The following AMZ2 variants were observed in gnomAD, a reference collection of about 807,000 sequenced individuals.
AMZ2 encodes the protein archaemetzincin-2.
In AMZ2, 26 loss-of-function variants were observed where a neutral mutation model predicts 36.7. That is an observed-to-expected ratio of 0.71 (90% CI 0.52 to 0.98). The LOEUF (loss-of-function observed/expected upper bound fraction) is 0.98, where lower values mean the gene tolerates loss of function less well. AMZ2 is among the 50% of genes least tolerant of loss of function. The pLI, the probability that AMZ2 is intolerant of heterozygous loss-of-function variation, is 0.00. For synonymous variants in AMZ2, 144 were observed against 149.1 expected, an observed-to-expected ratio of 0.97 and a Z score of 0.25; for missense variants, 394 against 430.5, an observed-to-expected ratio of 0.92 and a Z score of 0.75.
At chr17:68,241,446 A>G (rs1555733963) in intron 1 of AMZ2, among the ~76,000 whole-genome samples, 1 of 152,200 alleles carries the variant, frequency 6.6e-6, no homozygotes, top group African/African-American at 2.4e-5. Flanking sequence ...GGTGGAAAGT[A>G]TGATGTATGA....
chr17:68,224,535 G>T (rs1253518507), intron 1 of AMZ2, among the ~76,000 whole-genome samples: 1 of 146,806 alleles, frequency 6.8e-6, no homozygotes, highest in Non-Finnish European at 1.5e-5. Context: ...ATAGGAATTG[G>T]GGGTAGCTTT....
Position 68,251,113 on chromosome 17 carries a change from C to T in AMZ2, c.521C>T (p.Thr174Ile), listed in dbSNP as rs782698957. The part of the protein sequence containing the change: ...PEDAFCVVGI[T>I]MIDLYPRDSW... ...GATGCCTTCTGTGTTGTGGGAATAA[C>T]AATGATTGATCTTTACCCAAGAGAC... Residue 174 changes from threonine to isoleucine, a missense_variant, in exon 4 of 7, where the codon ACA (threonine) becomes ATA (isoleucine). Physicochemically the swap from Thr to Ile is moderately conservative, Grantham distance 89. Transcript: ENST00000359904. 12 of 1,613,850 alleles carry T rather than the reference C, an allele frequency of 7.4e-6. No homozygotes were observed. In the East Asian group the frequency reaches 2.7e-4, roughly 36 times the overall value.
At chr17:68,213,284 G>C (rs1261123387) in intron 1 of AMZ2, among the ~76,000 whole-genome samples, 1 of 152,304 alleles carries the variant, frequency 6.6e-6, no homozygotes. Context: ...TCAATTACTT[G>C]CCTCTTTCTG....
At chr17:68,208,438 C>T (rs1555724930) in intron 1 of AMZ2, among the ~76,000 whole-genome samples, 1 of 152,172 alleles carries the variant, frequency 6.6e-6, no homozygotes, top group African/African-American at 2.4e-5. Flanking sequence ...CTGTATCTAG[C>T]TAATCTAGTG....
chr17:68,251,055 A>C lies in AMZ2; in HGVS notation c.463A>C (p.Ile155Leu). ...ATGTATTTCTTTTTAAATAGGGGAC[A>C]TCCTGAAGTTCTTGAAAAAGAAGAA... ...THNLQIHAGD[I>L]LKFLKKKKPE... Residue 155 changes from isoleucine to leucine, a missense_variant, in exon 4 of 7, where the codon ATC (isoleucine) becomes CTC (leucine). By Grantham distance (5) the Ile-to-Leu change is conservative. Transcript: ENST00000359904. 1 of 1,610,692 alleles carries C rather than the reference A, an allele frequency of 6.2e-7. No individual in the cohort carries two copies. Among genetic ancestry groups the C allele is most frequent in the African/African-American group, 1.3e-5 (1 of 74,696 alleles).
Position 68,218,499 on chromosome 17 carries a change from A to G in AMZ2, c.-67+12261A>G, listed in dbSNP as rs538810106. ...GAACCACCACACGCATTTAAGCAGCATTTAAAATCAATCTATATTCTTTTC... is the reference window on the plus strand; with the variant it reads ...GAACCACCACACGCATTTAAGCAGCGTTTAAAATCAATCTATATTCTTTTC... On this transcript the variant is annotated intron_variant, in intron 1 of 7. Coordinates refer to the AMZ2 transcript ENST00000674770. Among the ~76,000 whole-genome samples, 6 of 152,342 alleles carry G rather than the reference A, an allele frequency of 3.9e-5. No individual in the cohort carries two copies. The South Asian group carries it at 1.0e-3, about 26-fold the overall frequency.
chr17:68,228,285 C>G (rs2073568039), intron 1 of AMZ2, among the ~76,000 whole-genome samples: 1 of 152,162 alleles, frequency 6.6e-6, no homozygotes. Context: ...CAAATCTCAG[C>G]ATCACAGTCT....
At position 68,250,616 on chromosome 17, in the gene AMZ2, C is replaced by G; in HGVS notation, c.283+146C>G. On this transcript the variant is annotated intron_variant, in intron 2 of 6. Transcript: ENST00000359904. The stretch of plus-strand genomic sequence containing the variant: ...CGGCGGTACAAGTTTTGTAGCCAAA[C>G]TGACTTAAAAGATAACATTTTGTTT... 3.2e-6 allele frequency: 4 copies of G among 1,250,858 alleles called. No individual in the cohort carries two copies. The South Asian group carries it at 6.0e-5, about 19-fold the overall frequency. The allele number at this position is 1,250,858 out of a possible 1,614,324, so 77.5% of individuals were successfully genotyped here.
intron 1 of AMZ2, among the ~76,000 whole-genome samples, chr17:68,236,566 CTTTTTTTTTTTTTT>C (rs782220711): frequency 9.7e-6 from 1 of 102,972 alleles, no homozygotes; most frequent in Admixed American, 1.3e-4. Context: ...GGCAAACATC[CTTTTTTTTTTTTTT>C]TTTTTTTTTG....
intron 1 of AMZ2, among the ~76,000 whole-genome samples, chr17:68,234,066 T>C: frequency 6.6e-6 from 1 of 152,152 alleles, no homozygotes. Flanking sequence ...GCTCGGTGGC[T>C]CACACCTGTA....
chr17:68,247,357 A>AAAAAAAAAAGCAAGAAAAAGAAATAAG, upstream of AMZ2: 350 of 133,660 alleles, frequency 2.6e-3, 12 homozygotes, highest in African/African-American at 0.01. Flanking sequence ...AAAAAAAAAA[A>AAAAAAAAAAGCAAGAAAAAGAAATAAG]AAAGCAAGAA....
At chr17:68,246,209 A>AT (rs2074004678), upstream of AMZ2, among the ~76,000 whole-genome samples, 1 of 150,358 alleles carries the variant, frequency 6.7e-6, no homozygotes, top group African/African-American at 2.4e-5. Context: ...AAAAAAAAAA[A>AT]AAAAAAAAAT....
chr17:68,238,596 C>CACACAA (rs1367303848), intron 1 of AMZ2, among the ~76,000 whole-genome samples: 1 of 151,828 alleles, frequency 6.6e-6, no homozygotes, highest in African/African-American at 2.4e-5. Context: ...TACACACACA[C>CACACAA]ACACACAATC....
intron 5 of AMZ2, among the ~76,000 whole-genome samples, chr17:68,255,485 G>A (rs2074830539): frequency 2.6e-5 from 4 of 152,212 alleles, no homozygotes; most frequent in South Asian, 2.1e-4. Context: ...ACATGTCAGC[G>A]ATGTTGAGGT....
chr17:68,249,184 T>G (rs1420422607), intron 1 of AMZ2: 29 of 911,872 alleles, frequency 3.2e-5, no homozygotes, highest in Non-Finnish European at 4.0e-5. Context: ...AAGCTGTAGT[T>G]TCTCAGCCTG....
rs782482567 is a variant in AMZ2 at position 68,251,185 on chromosome 17, C to T, written c.586+7C>T. The stretch of plus-strand genomic sequence containing the variant: ...CAGGCCTCTTTGACAGATGGTATTC[C>T]GTTTTTGGCATTGTTGTTAGAAGCT... On this transcript the variant is annotated splice_region_variant and intron_variant, in intron 4 of 6. Coordinates refer to ENST00000359904, the MANE Select transcript of AMZ2 (RefSeq NM_016627.5). The T allele has an allele frequency of 8.1e-6, 13 of 1,602,818 alleles. No individual in the cohort carries two copies. Among genetic ancestry groups the T allele is most frequent in the Admixed American group, 7.1e-5 (4 of 56,652 alleles).
intron 1 of AMZ2, among the ~76,000 whole-genome samples, chr17:68,213,626 A>G (rs1229240123): frequency 1.3e-5 from 2 of 152,216 alleles, no homozygotes; most frequent in South Asian, 2.1e-4. Flanking sequence ...TGTGTGGGCC[A>G]CTTTCATCCA....
At chr17:68,239,149 C>T (rs138653831) in intron 1 of AMZ2, among the ~76,000 whole-genome samples, 234 of 152,302 alleles carry the variant, frequency 1.5e-3, no homozygotes, top group African/African-American at 5.3e-3. Context: ...AGGGAGAAAA[C>T]AGGTCACCTG....
chr17:68,249,032 C>G, intron 1 of AMZ2: 1 of 1,169,048 alleles, frequency 8.6e-7, no homozygotes, highest in Non-Finnish European at 1.1e-6. Flanking sequence ...AACATCGGAC[C>G]CATTCAAGAG....
Sources: gnomAD v4.1 joint callset for allele counts (sites outside exome capture counted in the v4.1 genomes callset) on GRCh38, gnomAD v4.1.1 for gene constraint, MANE v1.5 for transcripts, NCBI Gene and HGNC (gene_info 2026-07-23, HGNC 2026-07-21) for gene names.